RGS13: variants seen among roughly 807,000 people sequenced by gnomAD.
The protein encoded by RGS13 is regulator of G protein signaling 13.
In RGS13, 14 loss-of-function variants were observed where a neutral mutation model predicts 19.9. The ratio of observed to expected loss-of-function variants is 0.70; its 90% CI spans 0.46 to 1.10. The LOEUF is 1.10. RGS13 is among the 50% of genes least tolerant of loss of function. RGS13 has a pLI of 0.00. For synonymous variants in RGS13, 60 were observed against 56.8 expected, an observed-to-expected ratio of 1.06 and a Z score of -0.25; for missense variants, 205 against 187.1, an observed-to-expected ratio of 1.10 and a Z score of -0.56.
rs79597729 is a variant in RGS13, at chr1:192,654,408, TATA to T, written c.128-3789_128-3787del. Among the ~76,000 whole-genome samples, 466 of 151,894 alleles carry T rather than the reference TATA, an allele frequency of 3.1e-3. 10 individuals carry two copies. The highest frequency in any genetic ancestry group is 0.026 in the East Asian group (135 of 5,174). Reference sequence around the variant, plus strand: ...GACCCACAACTCTTTAAGCTGTGTTTATAATATTAGTAATATTAATATTAATAA... The same window carrying T: ...GACCCACAACTCTTTAAGCTGTGTTTATATTAGTAATATTAATATTAATAA... On this transcript the variant is annotated intron_variant, in intron 5 of 6. Transcript: ENST00000391995.
intron 5 of RGS13, among the ~76,000 whole-genome samples, chr1:192,657,249 T>C (rs988416030): frequency 7.9e-5 from 12 of 152,140 alleles, no homozygotes; most frequent in African/African-American, 2.4e-4. Flanking sequence ...TGTTTTATCA[T>C]ATAGCAATCC....
intron 5 of RGS13, among the ~76,000 whole-genome samples, chr1:192,656,281 G>A (rs1663436629): frequency 6.6e-6 from 1 of 151,420 alleles, no homozygotes; most frequent in Non-Finnish European, 1.5e-5. Flanking sequence ...CCATAGCTAA[G>A]TACAAACCAT....
At chr1:192,657,174 A>C (rs1663457574) in intron 5 of RGS13, among the ~76,000 whole-genome samples, 1 of 152,092 alleles carries the variant, frequency 6.6e-6, no homozygotes, top group Non-Finnish European at 1.5e-5. Context: ...AACAGTCTCT[A>C]GGTGGTTATT....
intron 5 of RGS13, among the ~76,000 whole-genome samples, chr1:192,655,944 G>A (rs1271804821): frequency 6.6e-6 from 1 of 151,984 alleles, no homozygotes; most frequent in African/African-American, 2.4e-5. Flanking sequence ...CATTAGCAAA[G>A]GACTTTGGTA....
At chr1:192,651,070 C>T (rs955936212) in intron 5 of RGS13, among the ~76,000 whole-genome samples, 2 of 151,742 alleles carry the variant, frequency 1.3e-5, no homozygotes, top group Non-Finnish European at 2.9e-5. Context: ...AGAGATGAAA[C>T]TTAGGTGTGT....
intron 4 of RGS13, 155 bp downstream of exon 4, chr1:192,644,554 G>A (rs569378469): frequency 3.4e-6 from 2 of 588,386 alleles, no homozygotes; most frequent in East Asian, 2.8e-5. Flanking sequence ...GCAGTCATAT[G>A]TTACTAAGAT....
chr1:192,645,715 T>C (rs998004865), intron 4 of RGS13: 9 of 151,442 alleles, frequency 5.9e-5, no homozygotes, highest in South Asian at 2.1e-4. Context: ...TGGATAGCCA[T>C]GGGCCAGCAT....
At chr1:192,648,343 G>A (rs1167506095) in intron 5 of RGS13, among the ~76,000 whole-genome samples, 1 of 152,118 alleles carries the variant, frequency 6.6e-6, no homozygotes, top group Non-Finnish European at 1.5e-5. Context: ...ATAAATTTGA[G>A]TCTTGCTGTT....
chr1:192,658,106 TGA>T, intron 5 of RGS13, 93 bp from the exon 6 acceptor site: 1 of 796,188 alleles, frequency 1.3e-6, no homozygotes, highest in Admixed American at 2.6e-5. Flanking sequence ...AAATAATTTG[TGA>T]GTTTTTAATC....
intron 5 of RGS13, among the ~76,000 whole-genome samples, chr1:192,654,498 T>A (rs1269158261): frequency 6.6e-6 from 1 of 152,082 alleles, no homozygotes; most frequent in Non-Finnish European, 1.5e-5. Flanking sequence ...AGAATTTTAA[T>A]AAAACTGAAG....
chr1:192,648,977 T>C (rs890292480), intron 5 of RGS13, among the ~76,000 whole-genome samples: 3 of 151,990 alleles, frequency 2.0e-5, no homozygotes, highest in Admixed American at 6.6e-5. Flanking sequence ...GCCCAGAGGG[T>C]AATGGCAGTA....
Position 192,643,607 on chromosome 1 carries a change from T to C in RGS13, c.-4-724T>C, listed in dbSNP as rs546938732. ...TTGGCTATTTACACTATTTTACTTG[T>C]CCAGTTAAAATAAGGCTCTTTTTTA... On this transcript the variant is annotated intron_variant, in intron 3 of 6. Transcript: ENST00000391995. Among the ~76,000 whole-genome samples the C allele has an allele frequency of 1.6e-4, 25 of 152,272 alleles. 1 individual carries two copies. Among genetic ancestry groups the C allele is most frequent in the Admixed American group, 1.6e-3 (24 of 15,274 alleles).
At chr1:192,653,958 G>C (rs573177572) in intron 5 of RGS13, among the ~76,000 whole-genome samples, 9 of 151,954 alleles carry the variant, frequency 5.9e-5, no homozygotes, top group African/African-American at 1.7e-4. Flanking sequence ...GTCATGGGGT[G>C]GGGGGAGCGG....
At chr1:192,654,807 G>A (rs1177874412) in intron 5 of RGS13, among the ~76,000 whole-genome samples, 1 of 152,030 alleles carries the variant, frequency 6.6e-6, no homozygotes, top group Non-Finnish European at 1.5e-5. Context: ...TAATTTTAGT[G>A]ACTAGTTTTA....
At chr1:192,658,645 TA>T in intron 6 of RGS13, 1 of 302,476 alleles carries the variant, frequency 3.3e-6, no homozygotes, top group Non-Finnish European at 6.1e-6. Context: ...CTAGGAAACT[TA>T]AAAAGAAAAA....
In RGS13 at chr1:192,660,165, G is replaced by T. The variant is rs1262291564; in HGVS notation, c.*642G>T. On this transcript the variant is annotated 3_prime_UTR_variant, in exon 7 of 7. Coordinates refer to ENST00000391995, the MANE Select transcript of RGS13 (RefSeq NM_002927.5). ...GCTCTTGCATCTACATTGCTATAAG[G>T]ATATAAAATGTGGTTTCTATATTTT... 6.6e-6 allele frequency: 1 copy of T among 151,950 alleles called. No homozygotes were observed. The highest frequency in any genetic ancestry group is 1.5e-5 in the Non-Finnish European group (1 of 67,938). 9.4% of individuals were successfully genotyped at this position (151,950 alleles called of 1,614,324 possible).
intron 3 of RGS13, among the ~76,000 whole-genome samples, chr1:192,640,379 A>C (rs1663084296): frequency 6.6e-6 from 1 of 152,158 alleles, no homozygotes; most frequent in South Asian, 2.1e-4. Flanking sequence ...GTTCATTTTC[A>C]GTCAGATTTT....
At position 192,659,534 on chromosome 1, in the gene RGS13, A is replaced by G. The variant is rs1320928316; in HGVS notation, c.*11A>G. 1.3e-6 allele frequency: 2 copies of G among 1,590,362 alleles called. No homozygotes were observed. Among genetic ancestry groups the G allele is most frequent in the Non-Finnish European group, 8.6e-7 (1 of 1,167,434 alleles). On this transcript the variant is annotated 3_prime_UTR_variant, in exon 7 of 7. Coordinates refer to ENST00000391995, the MANE Select transcript of RGS13 (RefSeq NM_002927.5). ...AACAACAGTTTCTGACTACAACTCA[A>G]AAGTTTAAATAGAAAACAGTATATT...
chr1:192,645,935 C>T (rs938837927), intron 4 of RGS13: 201 of 152,222 alleles, frequency 1.3e-3, no homozygotes, highest in African/African-American at 4.3e-3. Flanking sequence ...ACTCTTCACT[C>T]GTGTTGTAGA....
Sources: allele counts gnomAD v4.1 joint callset (sites outside exome capture counted in the v4.1 genomes callset), GRCh38; gene constraint gnomAD v4.1.1; transcripts MANE v1.5; gene names NCBI Gene and HGNC (gene_info 2026-07-23, HGNC 2026-07-21).